The following LINGO2 variants were observed in gnomAD, a reference collection of about 807,000 sequenced individuals.
LINGO2 encodes the protein leucine-rich repeat and immunoglobulin-like domain-containing nogo receptor-interacting protein 2.
A neutral mutation model predicts 30.6 loss-of-function variants in LINGO2; 14 were observed. That is an observed-to-expected ratio of 0.46 (90% CI 0.30 to 0.72). LINGO2 has a LOEUF of 0.72. Among genes scored for constraint, LINGO2 ranks in the 30% least tolerant of loss-of-function variants. The pLI, the probability that LINGO2 is intolerant of heterozygous loss-of-function variation, is 0.07. For missense variants in LINGO2, 729 were observed against 751.7 expected (o/e 0.97, Z 0.35); for synonymous variants, 317 against 288.5 (o/e 1.10, Z -1.00).
At chr9:28,769,462 C>CCATATATATATATA in the LINGO2 span, among the ~76,000 whole-genome samples, 1 of 62,384 alleles carries the variant, frequency 1.6e-5, no homozygotes, top group Non-Finnish European at 2.6e-5. Context: ...CAGTTACATG[C>CCATATATATATATA]TATATATATA....
At chr9:29,086,889 T>G in the LINGO2 span, among the ~76,000 whole-genome samples, 2 of 145,262 alleles carry the variant, frequency 1.4e-5, no homozygotes, top group Non-Finnish European at 3.0e-5. Context: ...TTAAGAGCAG[T>G]GATTTTTTTT....
intron 1 of LINGO2, among the ~76,000 whole-genome samples, chr9:28,486,310 G>T (rs1826161604): frequency 6.6e-6 from 1 of 152,122 alleles, no homozygotes; most frequent in African/African-American, 2.4e-5. Flanking sequence ...TTACACACAA[G>T]AAAAGTAAAT....
chr9:29,017,585 C>T, the LINGO2 span, among the ~76,000 whole-genome samples: 1 of 152,178 alleles, frequency 6.6e-6, no homozygotes, highest in East Asian at 1.9e-4. Context: ...CTAGTAAACA[C>T]TGACCCTGCA....
the LINGO2 span, among the ~76,000 whole-genome samples, chr9:28,816,675 GGC>G: frequency 6.6e-6 from 1 of 151,988 alleles, no homozygotes; most frequent in Non-Finnish European, 1.5e-5. Flanking sequence ...GGAGTTGCCT[GGC>G]AACTGCTAAG....
intron 5 of LINGO2, among the ~76,000 whole-genome samples, chr9:28,001,019 TAAC>T: frequency 6.6e-6 from 1 of 152,252 alleles, no homozygotes; most frequent in African/African-American, 2.4e-5. Context: ...GATTACTACT[TAAC>T]AAATCAATCC....
chr9:28,687,577 G>C, the LINGO2 span, among the ~76,000 whole-genome samples: 2 of 152,144 alleles, frequency 1.3e-5, no homozygotes, highest in East Asian at 3.9e-4. Flanking sequence ...CTACTCATTT[G>C]AGTCAACATA....
chr9:28,547,454 A>G (rs1002093000), intron 1 of LINGO2, among the ~76,000 whole-genome samples: 1 of 152,156 alleles, frequency 6.6e-6, no homozygotes, highest in Non-Finnish European at 1.5e-5. Flanking sequence ...CATTAACTAG[A>G]GATAGCAACT....
At position 28,330,478 on chromosome 9, in the gene LINGO2, A is replaced by G. The variant is rs73645648; in HGVS notation, c.-245-35112T>C. 8.4e-3 allele frequency among the ~76,000 whole-genome samples: 1,280 copies of G among 152,274 alleles called. 27 individuals carry two copies. The highest frequency in any genetic ancestry group is 0.029 in the African/African-American group (1,221 of 41,550). ...TACATTTGTTATCATTGATGAGCCAATATTGATACATTATATTAGATGGTC... is the reference window on the plus strand; with the variant it reads ...TACATTTGTTATCATTGATGAGCCAGTATTGATACATTATATTAGATGGTC... On this transcript the variant is annotated intron_variant, in intron 3 of 5. Transcript: ENST00000379992.
intron 1 of LINGO2, among the ~76,000 whole-genome samples, chr9:28,566,558 C>T (rs1021759298): frequency 2.0e-5 from 3 of 152,102 alleles, no homozygotes; most frequent in Non-Finnish European, 2.9e-5. Flanking sequence ...AAACTGCTCC[C>T]TCAGATGTTG....
chr9:28,689,029 A>G, the LINGO2 span, among the ~76,000 whole-genome samples: 2 of 152,308 alleles, frequency 1.3e-5, no homozygotes, highest in East Asian at 1.9e-4. Flanking sequence ...TATCTAACTG[A>G]TAGAATATGG....
intron 5 of LINGO2, among the ~76,000 whole-genome samples, chr9:27,978,893 T>C (rs1318326269): frequency 3.3e-5 from 5 of 152,196 alleles, no homozygotes; most frequent in East Asian, 1.9e-4. Flanking sequence ...ATTGATATCA[T>C]TGAGAACTTA....
intron 5 of LINGO2, among the ~76,000 whole-genome samples, chr9:27,969,258 G>A (rs1820243806): frequency 6.6e-6 from 1 of 152,024 alleles, no homozygotes. Flanking sequence ...CACTTCAGGA[G>A]TATAATTCAT....
intron 5 of LINGO2, among the ~76,000 whole-genome samples, chr9:27,985,070 T>C (rs996506959): frequency 2.0e-5 from 3 of 151,842 alleles, no homozygotes; most frequent in Non-Finnish European, 4.4e-5. Flanking sequence ...AGTTTAACAG[T>C]TTAGGTGTGA....
the LINGO2 span, among the ~76,000 whole-genome samples, chr9:28,955,008 T>C: frequency 3.8e-4 from 58 of 152,082 alleles, no homozygotes; most frequent in Middle Eastern, 3.4e-3. Flanking sequence ...ACTGAGGGAA[T>C]TGGCAAAAGA....
At chr9:28,053,672 T>C (rs111678595) in intron 4 of LINGO2, among the ~76,000 whole-genome samples, 1 of 151,608 alleles carries the variant, frequency 6.6e-6, no homozygotes, top group African/African-American at 2.4e-5. Flanking sequence ...AATTGTAAAA[T>C]AAACTGATGT....
At chr9:28,480,743 A>C (rs1825929392) in intron 1 of LINGO2, among the ~76,000 whole-genome samples, 1 of 151,874 alleles carries the variant, frequency 6.6e-6, no homozygotes, top group South Asian at 2.1e-4. Flanking sequence ...CAATTTTCTT[A>C]CTTTATTTTA....
intron 2 of LINGO2, among the ~76,000 whole-genome samples, chr9:28,428,799 A>T (rs1461284494): frequency 6.6e-6 from 1 of 152,078 alleles, no homozygotes; most frequent in Non-Finnish European, 1.5e-5. Context: ...ACTTACTTGA[A>T]TTTTTCAAGG....
At chr9:28,001,013 A>G (rs1220989261) in intron 5 of LINGO2, among the ~76,000 whole-genome samples, 1 of 152,272 alleles carries the variant, frequency 6.6e-6, no homozygotes, top group Non-Finnish European at 1.5e-5. Context: ...CTAATTGATT[A>G]CTACTTAACA....
At chr9:28,200,216 C>T (rs1000032377) in intron 4 of LINGO2, among the ~76,000 whole-genome samples, 6 of 152,176 alleles carry the variant, frequency 3.9e-5, no homozygotes, top group African/African-American at 1.4e-4. Context: ...AACTGCACAA[C>T]AGTGACTAAG....
Sources: allele counts gnomAD v4.1 joint callset (sites outside exome capture counted in the v4.1 genomes callset), GRCh38; gene constraint gnomAD v4.1.1; transcripts MANE v1.5; gene names NCBI Gene and HGNC (gene_info 2026-07-23, HGNC 2026-07-21).